TRMT11: variants seen among roughly 807,000 people sequenced by gnomAD.
TRMT11 encodes the protein tRNA methyltransferase 11.
In TRMT11, 53 loss-of-function variants were observed where a neutral mutation model predicts 62.8. The observed-to-expected ratio is 0.84, with a 90% CI of 0.68 to 1.06. TRMT11 has a LOEUF of 1.06. Ranked by LOEUF, TRMT11 falls within the 50% of genes least tolerant of loss-of-function variation. The probability of loss-of-function intolerance (pLI) is 0.00; values close to 1 mark genes in which losing one functional copy is unlikely to be tolerated. For synonymous variants in TRMT11, 188 were observed against 190.3 expected (o/e 0.99, Z 0.10); for missense variants, 556 against 553.4 (o/e 1.00, Z -0.05).
At chr6:126,019,599 A>G (rs1795516444) in intron 11 of TRMT11, among the ~76,000 whole-genome samples, 2 of 152,302 alleles carry the variant, frequency 1.3e-5, no homozygotes, top group South Asian at 4.1e-4. Flanking sequence ...TTAGTATATT[A>G]CTTAGTTTGA....
chr6:126,247,446 T>TATC, the TRMT11 span, among the ~76,000 whole-genome samples: 2 of 78,754 alleles, frequency 2.5e-5, no homozygotes, highest in Non-Finnish European at 6.1e-5. Flanking sequence ...AGAACATATC[T>TATC]ATCTATCTAT....
chr6:126,055,291 T>A (rs2128116609), intron 17 of TRMT11, among the ~76,000 whole-genome samples: 1 of 152,262 alleles, frequency 6.6e-6, no homozygotes, highest in African/African-American at 2.4e-5. Context: ...AACCCATTAC[T>A]AATGAGGATG....
chr6:126,188,877 T>C (rs1778558789), intron 1 of TRMT11, among the ~76,000 whole-genome samples: 1 of 152,156 alleles, frequency 6.6e-6, no homozygotes, highest in South Asian at 2.1e-4. Context: ...ATTTTACAGT[T>C]GAGGAAATGC....
At chr6:126,005,847 C>A (rs942291148) in intron 7 of TRMT11, among the ~76,000 whole-genome samples, 2 of 151,984 alleles carry the variant, frequency 1.3e-5, no homozygotes, top group African/African-American at 4.8e-5. Flanking sequence ...CTCTCATCCC[C>A]TCTGTCAAGT....
intron 7 of TRMT11, among the ~76,000 whole-genome samples, chr6:126,007,815 A>G (rs980638778): frequency 4.6e-5 from 7 of 151,990 alleles, no homozygotes; most frequent in Non-Finnish European, 8.8e-5. Flanking sequence ...AGAAATTTGT[A>G]TTTACAGTTT....
At chr6:125,989,124 CTTTTTTTT>C (rs971479523) in intron 1 of TRMT11, among the ~76,000 whole-genome samples, 3 of 94,426 alleles carry the variant, frequency 3.2e-5, no homozygotes, top group African/African-American at 8.3e-5. Flanking sequence ...AGTTTGGATT[CTTTTTTTT>C]TTTTTTTTTT....
chr6:126,151,665 A>G (rs12198445), intron 21 of TRMT11, among the ~76,000 whole-genome samples: 67,174 of 151,742 alleles, frequency 0.44, 15,418 homozygotes, highest in Non-Finnish European at 0.49. Context: ...TCTTGACAAA[A>G]GTAGACTATC....
intron 21 of TRMT11, among the ~76,000 whole-genome samples, chr6:126,125,235 G>A (rs375603881): frequency 1.3e-5 from 2 of 152,036 alleles, no homozygotes; most frequent in Non-Finnish European, 1.5e-5. Flanking sequence ...CACTTTGCCC[G>A]TGGGGTTTGG....
the TRMT11 span, among the ~76,000 whole-genome samples, chr6:126,256,124 T>C: frequency 1.3e-5 from 2 of 152,178 alleles, no homozygotes; most frequent in Non-Finnish European, 2.9e-5. Flanking sequence ...TGGCTGTTGG[T>C]AGGAGGTCTC....
At chr6:126,085,774 A>G (rs1777210961) in intron 17 of TRMT11, among the ~76,000 whole-genome samples, 1 of 152,196 alleles carries the variant, frequency 6.6e-6, no homozygotes, top group Admixed American at 6.5e-5. Context: ...ATATGTCAGT[A>G]TACGTTTGTC....
intron 17 of TRMT11, among the ~76,000 whole-genome samples, chr6:126,094,181 G>T (rs868430959): frequency 1.3e-5 from 2 of 152,192 alleles, no homozygotes; most frequent in East Asian, 3.9e-4. Flanking sequence ...AATGACTGGG[G>T]TGTATTCTCC....
intron 21 of TRMT11, among the ~76,000 whole-genome samples, chr6:126,124,522 A>G (rs954682588): frequency 6.6e-6 from 1 of 152,068 alleles, no homozygotes; most frequent in Non-Finnish European, 1.5e-5. Flanking sequence ...TGGGGTCCCG[A>G]GTCTATTCTA....
rs111434732 is a variant in TRMT11 at position 126,036,842 on chromosome 6, G to A, written c.1261-1863G>A. Among the ~76,000 whole-genome samples, 661 of 152,164 alleles carry A rather than the reference G, an allele frequency of 4.3e-3. 4 individuals carry two copies. The highest frequency in any genetic ancestry group is 5.3e-3 in the Non-Finnish European group (363 of 67,968). Reference sequence around the variant, plus strand: ...ACGTTAAATGGTGGAACATTGTTCTGTGTTGCCGTTATCCTGGCACAGTCC... The same window carrying A: ...ACGTTAAATGGTGGAACATTGTTCTATGTTGCCGTTATCCTGGCACAGTCC... On this transcript the variant is annotated intron_variant, in intron 12 of 12. Transcript: ENST00000334379.
At position 126,016,172 on chromosome 6, in the gene TRMT11, A is replaced by T. The variant is rs532126396; in HGVS notation, c.1139+3071A>T. On this transcript the variant is annotated intron_variant, in intron 11 of 12. Transcript: ENST00000334379. ...TGGTTGCCAAGTGATTCTTTTTTCC[A>T]TCATTTCTTTTGCATTTGTAAGTTG... 1.8e-4 allele frequency among the ~76,000 whole-genome samples: 28 copies of T among 152,212 alleles called. No individual in the cohort carries two copies. In the South Asian group the frequency reaches 5.8e-3, roughly 32 times the overall value.
At chr6:126,213,310 T>C in the TRMT11 span, among the ~76,000 whole-genome samples, 2 of 152,056 alleles carry the variant, frequency 1.3e-5, no homozygotes, top group African/African-American at 4.8e-5. Context: ...TTGTGAACAA[T>C]GTCATTGGTA....
intron 17 of TRMT11, among the ~76,000 whole-genome samples, chr6:126,108,610 C>T (rs1777491613): frequency 6.6e-6 from 1 of 152,210 alleles, no homozygotes; most frequent in Non-Finnish European, 1.5e-5. Flanking sequence ...CCCCAACAAT[C>T]CACTCTTCAC....
downstream of TRMT11, among the ~76,000 whole-genome samples, chr6:126,208,541 C>T (rs1778809690): frequency 6.6e-6 from 1 of 152,036 alleles, no homozygotes; most frequent in Non-Finnish European, 1.5e-5. Context: ...GATAGGATGG[C>T]TCTATTATTT....
At chr6:126,230,690 T>C in the TRMT11 span, among the ~76,000 whole-genome samples, 1 of 152,208 alleles carries the variant, frequency 6.6e-6, no homozygotes. Context: ...GGAGAAGATA[T>C]TTCCCTGGTG....
chr6:126,074,857 G>T lies in TRMT11; in HGVS notation c.*1437+21667G>T, dbSNP rs189262962. ...AATTAAACAATTATTTTCAAGACTA[G>T]CTGTCAGAAAAAAATCTAAAAGTCA... On this transcript the variant is annotated intron_variant and NMD_transcript_variant, in intron 17 of 22. Transcript: ENST00000648977. Among the ~76,000 whole-genome samples the T allele has an allele frequency of 3.4e-3, 519 of 152,112 alleles. 3 individuals carry two copies. The highest frequency in any genetic ancestry group is 0.012 in the African/African-American group (497 of 41,482).
Sources: allele counts gnomAD v4.1 joint callset (sites outside exome capture counted in the v4.1 genomes callset), GRCh38; gene constraint gnomAD v4.1.1; transcripts MANE v1.5; gene names NCBI Gene and HGNC (gene_info 2026-07-23, HGNC 2026-07-21).